PRKAR1A: variants seen among roughly 807,000 people sequenced by gnomAD.
PRKAR1A encodes protein kinase cAMP-dependent type I regulatory subunit alpha, also known as cAMP-dependent protein kinase type I-alpha regulatory subunit.
A neutral mutation model predicts 52.0 loss-of-function variants in PRKAR1A; 3 were observed. The observed-to-expected ratio is 0.06, with a 90% CI of 0.03 to 0.15. PRKAR1A has a LOEUF of 0.15. Among genes scored for constraint, PRKAR1A ranks in the 10% least tolerant of loss-of-function variants. The probability of loss-of-function intolerance (pLI) is 1.00; values close to 1 mark genes in which losing one functional copy is unlikely to be tolerated. For missense variants in PRKAR1A, 240 were observed against 477.4 expected (o/e 0.50, Z 4.63); for synonymous variants, 188 against 168.4 (o/e 1.12, Z -0.90).
At chr17:68,536,671 T>C, downstream of PRKAR1A, 2 of 452,994 alleles carry the variant, frequency 4.4e-6, no homozygotes, top group Non-Finnish European at 8.8e-6. Context: ...TTTTCCTGCC[T>C]TACTCCAGGC....
chr17:68,473,035 A>G, the PRKAR1A span, among the ~76,000 whole-genome samples: 11 of 152,192 alleles, frequency 7.2e-5, no homozygotes, highest in Non-Finnish European at 8.8e-5. Flanking sequence ...TTCATTCACT[A>G]GGTCATCGAC....
chr17:68,490,940 C>T, the PRKAR1A span, among the ~76,000 whole-genome samples: 4 of 152,126 alleles, frequency 2.6e-5, no homozygotes, highest in Non-Finnish European at 5.9e-5. Flanking sequence ...ACCTTGCCTT[C>T]ATCTCTGTTC....
chr17:68,453,267 A>G, the PRKAR1A span, among the ~76,000 whole-genome samples: 1 of 152,168 alleles, frequency 6.6e-6, no homozygotes. Context: ...CAAAATGTCA[A>G]ATCTAGCAGA....
the PRKAR1A span, among the ~76,000 whole-genome samples, chr17:68,482,423 C>T: frequency 7.2e-5 from 11 of 152,116 alleles, no homozygotes; most frequent in Non-Finnish European, 1.5e-4. Context: ...AGTTTCATCT[C>T]ATTTATATGC....
chr17:68,430,265 A>AGAG, the PRKAR1A span: 2 of 1,181,076 alleles, frequency 1.7e-6, no homozygotes, highest in Non-Finnish European at 2.4e-6. Flanking sequence ...CGCAGCAGGG[A>AGAG]GAGACTGTGC....
chr17:68,480,965 T>C, the PRKAR1A span, among the ~76,000 whole-genome samples: 1 of 152,254 alleles, frequency 6.6e-6, no homozygotes, highest in East Asian at 1.9e-4. Flanking sequence ...CTCATGCAGG[T>C]CCACAGCTTC....
At chr17:68,487,437 G>C in the PRKAR1A span, among the ~76,000 whole-genome samples, 1 of 152,134 alleles carries the variant, frequency 6.6e-6, no homozygotes, top group Non-Finnish European at 1.5e-5. Flanking sequence ...TATAACTTAA[G>C]CCAACGTTTC....
chr17:68,437,019 T>TGA, the PRKAR1A span, among the ~76,000 whole-genome samples: 1 of 149,718 alleles, frequency 6.7e-6, no homozygotes, highest in Non-Finnish European at 1.5e-5. Context: ...TATATATATG[T>TGA]GTGTGTGTGT....
chr17:68,468,798 G>T, the PRKAR1A span, among the ~76,000 whole-genome samples: 1 of 152,234 alleles, frequency 6.6e-6, no homozygotes, highest in South Asian at 2.1e-4. Flanking sequence ...TTCATGAAAG[G>T]TCAGTTCCAG....
the PRKAR1A span, among the ~76,000 whole-genome samples, chr17:68,495,780 T>G: frequency 2.6e-5 from 4 of 151,562 alleles, no homozygotes; most frequent in Non-Finnish European, 4.4e-5. Context: ...ATTCTGAACC[T>G]TAGAAATCCT....
At chr17:68,475,412 T>A in the PRKAR1A span, among the ~76,000 whole-genome samples, 1 of 152,244 alleles carries the variant, frequency 6.6e-6, no homozygotes, top group Non-Finnish European at 1.5e-5. Flanking sequence ...ATGAAACAAT[T>A]CCTCTCTAAG....
the PRKAR1A span, among the ~76,000 whole-genome samples, chr17:68,504,392 A>G: frequency 6.6e-6 from 1 of 152,132 alleles, no homozygotes; most frequent in Admixed American, 6.5e-5. Context: ...ACTTGAACCC[A>G]GGAGGCGGAG....
At chr17:68,540,558 T>C (rs1380534748) in intron 11 of PRKAR1A, 1 of 526,944 alleles carries the variant, frequency 1.9e-6, no homozygotes, top group African/African-American at 1.9e-5. Flanking sequence ...TGGTTTCCCC[T>C]CACTTGGTGA....
the PRKAR1A span, chr17:68,433,496 T>C: frequency 2.5e-6 from 4 of 1,613,992 alleles, no homozygotes; most frequent in Admixed American, 3.3e-5. Flanking sequence ...AGCTTGAAGA[T>C]GTGTACCGTC....
At chr17:68,519,062 C>A (rs1382128988) in intron 2 of PRKAR1A, among the ~76,000 whole-genome samples, 4 of 152,178 alleles carry the variant, frequency 2.6e-5, no homozygotes, top group Non-Finnish European at 5.9e-5. Context: ...CAAAGCCGTA[C>A]AAGAAATCTC....
chr17:68,416,754 T>A, the PRKAR1A span, among the ~76,000 whole-genome samples: 1 of 151,950 alleles, frequency 6.6e-6, no homozygotes, highest in Non-Finnish European at 1.5e-5. Context: ...CTTGTTCAAT[T>A]CTATTGCTGA....
At chr17:68,433,667 G>T in the PRKAR1A span, 1 of 915,236 alleles carries the variant, frequency 1.1e-6, no homozygotes, top group Non-Finnish European at 1.7e-6. Flanking sequence ...AAAATCAGAT[G>T]TATCCTGAAG....
chr17:68,526,043 ATT>A (rs1261257691), intron 7 of PRKAR1A, 131 bp downstream of exon 7: 13 of 1,134,940 alleles, frequency 1.1e-5, no homozygotes, highest in South Asian at 2.8e-5. Context: ...ATAAGCGAAT[ATT>A]TTTCTTTTAA....
downstream of PRKAR1A, among the ~76,000 whole-genome samples, chr17:68,534,560 C>CTTT (rs34994040): frequency 1.8e-5 from 2 of 111,054 alleles, no homozygotes; most frequent in African/African-American, 3.4e-5. Context: ...TTTTTAGTGC[C>CTTT]TTTTTTTTTT....
Sources: allele counts gnomAD v4.1 joint callset (sites outside exome capture counted in the v4.1 genomes callset), GRCh38; gene constraint gnomAD v4.1.1; transcripts MANE v1.5; gene names NCBI Gene and HGNC (gene_info 2026-07-23, HGNC 2026-07-21).